SPATA6L: variants seen among roughly 807,000 people sequenced by gnomAD.
SPATA6L encodes the protein spermatogenesis associated 6 like.
SPATA6L carries 68 observed loss-of-function variants against 49.2 expected under a neutral mutation model. That is an observed-to-expected ratio of 1.38 (90% CI 1.14 to 1.69). The LOEUF (loss-of-function observed/expected upper bound fraction) is 1.69, where lower values mean the gene tolerates loss of function less well. Ranked by LOEUF, SPATA6L falls within the 40% of genes most tolerant of loss-of-function variation. The pLI, the probability that SPATA6L is intolerant of heterozygous loss-of-function variation, is 0.00. For missense variants in SPATA6L, 668 were observed against 464.3 expected (o/e 1.44, Z -4.03); for synonymous variants, 198 against 165.7 (o/e 1.19, Z -1.50).
rs58325546 is a variant in SPATA6L, at chr9:4,644,183, C to CAAAAA, written c.227-8789_227-8785dup. Among the ~76,000 whole-genome samples, 7 of 45,716 alleles carry CAAAAA rather than the reference C, an allele frequency of 1.5e-4. 1 individual carries two copies. Among genetic ancestry groups the CAAAAA allele is most frequent in the East Asian group, 1.2e-3 (1 of 802 alleles). 30.0% of individuals were successfully genotyped at this position (45,716 alleles called of 152,430 possible). A position where few individuals can be genotyped will look rare whatever the true frequency, so the allele number is the denominator to read the frequency against. ...GCAACATAGTAAGATGCCATCTCTGCAAAAAAAAAAAAAAAAAAAAAAAAA... is the reference window on the plus strand; with the variant it reads ...GCAACATAGTAAGATGCCATCTCTGCAAAAAAAAAAAAAAAAAAAAAAAAAAAAAA... On this transcript the variant is annotated intron_variant, in intron 3 of 11. Transcript: ENST00000682582.
At chr9:4,647,981 C>T (rs301475) in intron 3 of SPATA6L, among the ~76,000 whole-genome samples, 28,890 of 151,720 alleles carry the variant, frequency 0.19, 4,357 homozygotes, top group African/African-American at 0.42. Flanking sequence ...ACTACAGGCA[C>T]GTACCACAGC....
intron 3 of SPATA6L, among the ~76,000 whole-genome samples, chr9:4,644,710 C>T (rs1834951520): frequency 1.3e-5 from 2 of 150,320 alleles, no homozygotes; most frequent in Admixed American, 1.3e-4. Context: ...CACACACACA[C>T]ACACACACAC....
chr9:4,589,475 C>T lies in SPATA6L; in HGVS notation c.*255-514G>A, dbSNP rs79601082. Among the ~76,000 whole-genome samples the T allele has an allele frequency of 5.3e-4, 81 of 152,270 alleles. 1 individual carries two copies. The highest frequency in any genetic ancestry group is 3.9e-3 in the East Asian group (20 of 5,188). On this transcript the variant is annotated intron_variant and NMD_transcript_variant, in intron 13 of 13. Coordinates refer to the SPATA6L transcript ENST00000461761. ...CAGTATATCCAACCTAGTGAGACTT[C>T]GTAAACAGCCCCCATTCTATAAAGG...
chr9:4,648,557 G>A (rs984618693), intron 3 of SPATA6L, among the ~76,000 whole-genome samples: 5 of 151,592 alleles, frequency 3.3e-5, no homozygotes, highest in African/African-American at 7.3e-5. Flanking sequence ...AAAATTAGCC[G>A]GGCGTGGTGG....
At chr9:4,649,047 T>C (rs377302654) in intron 3 of SPATA6L, among the ~76,000 whole-genome samples, 8 of 125,134 alleles carry the variant, frequency 6.4e-5, no homozygotes, top group Non-Finnish European at 1.1e-4. Flanking sequence ...TCATATATAA[T>C]GGAATATAGA....
intron 3 of SPATA6L, among the ~76,000 whole-genome samples, chr9:4,640,615 G>A (rs1833822161): frequency 6.6e-6 from 1 of 152,076 alleles, no homozygotes; most frequent in Non-Finnish European, 1.5e-5. Flanking sequence ...GATCATGAGG[G>A]CTCACTGCCA....
At chr9:4,620,906 T>C (rs1829142114) in intron 7 of SPATA6L, among the ~76,000 whole-genome samples, 1 of 152,172 alleles carries the variant, frequency 6.6e-6, no homozygotes, top group Admixed American at 6.5e-5. Flanking sequence ...ACAGGTGATT[T>C]TCAACTCAAA....
At chr9:4,660,370 A>G (rs1160215611) in intron 2 of SPATA6L, among the ~76,000 whole-genome samples, 2 of 152,260 alleles carry the variant, frequency 1.3e-5, no homozygotes, top group Non-Finnish European at 2.9e-5. Flanking sequence ...AAGTGGGTGA[A>G]GGACATGAAC....
chr9:4,654,661 G>C (rs372913871), intron 3 of SPATA6L, among the ~76,000 whole-genome samples: 2 of 152,194 alleles, frequency 1.3e-5, no homozygotes, highest in African/African-American at 2.4e-5. Context: ...CCAGCAGGGA[G>C]ATGGTTTTCC....
Position 4,623,433 on chromosome 9 carries a change from C to T in SPATA6L, c.670-923G>A, listed in dbSNP as rs540572761. ...TTGAACTAGGGACTCTTCCAAATAG[C>T]TACAATATAGAGTTGCTGATTTGTT... On this transcript the variant is annotated intron_variant, in intron 6 of 11. Transcript: ENST00000682582. Among the ~76,000 whole-genome samples the T allele has an allele frequency of 5.3e-5, 8 of 151,970 alleles. No homozygotes were observed. The South Asian group carries it at 1.7e-3, about 32-fold the overall frequency.
At chr9:4,658,267 C>A (rs1238075470) in intron 2 of SPATA6L, among the ~76,000 whole-genome samples, 2 of 152,168 alleles carry the variant, frequency 1.3e-5, no homozygotes, top group African/African-American at 2.4e-5. Flanking sequence ...AAATAATCAA[C>A]ATGAACTGCT....
At chr9:4,589,710 G>A (rs1329678425) in intron 13 of SPATA6L, among the ~76,000 whole-genome samples, 1 of 152,082 alleles carries the variant, frequency 6.6e-6, no homozygotes, top group Non-Finnish European at 1.5e-5. Context: ...GAAAATGAGA[G>A]TACAGCATGA....
chr9:4,656,102 A>C lies in SPATA6L; in HGVS notation c.178-13T>G. ...CACTTTCAAATACCTGCAGAGAAAA[A>C]TGGGGAAAATAAATTTTCAAAGTTG... On this transcript the variant is annotated splice_polypyrimidine_tract_variant and intron_variant, in intron 2 of 11. Transcript: ENST00000682582. 6.2e-7 allele frequency: 1 copy of C among 1,608,942 alleles called. No individual in the cohort carries two copies. Among genetic ancestry groups the C allele is most frequent in the Non-Finnish European group, 8.5e-7 (1 of 1,176,834 alleles).
At position 4,652,593 on chromosome 9, in the gene SPATA6L, T is replaced by C. The variant is rs538024283; in HGVS notation, c.226+3448A>G. 2.0e-5 allele frequency among the ~76,000 whole-genome samples: 3 copies of C among 152,142 alleles called. No homozygotes were observed. The South Asian group carries it at 6.2e-4, about 32-fold the overall frequency. On this transcript the variant is annotated intron_variant, in intron 3 of 11. Coordinates refer to ENST00000682582, the MANE Select transcript of SPATA6L (RefSeq NM_001353486.2). ...GGCTGGGTACGGTGTCTCATACCTG[T>C]AATCCCAGCATTTTGGGAGTCCAAG...
intron 1 of SPATA6L, chr9:4,664,367 G>A (rs944134064): frequency 2.4e-5 from 4 of 166,938 alleles, no homozygotes; most frequent in South Asian, 2.1e-4. Context: ...ATGGAATTCC[G>A]TTTTCTGAGG....
rs1219248281 is a variant in SPATA6L, at chr9:4,644,683, T to TCA, written c.227-9285_227-9284insTG. ...TTCTCTCTCTCTCTCTCTCTCTCTC[T>TCA]CTCACACACACACACACACACACAC... is the stretch of plus-strand genomic sequence containing the variant. On this transcript the variant is annotated intron_variant, in intron 3 of 11. Coordinates refer to ENST00000682582, the MANE Select transcript of SPATA6L (RefSeq NM_001353486.2). 1.3e-3 allele frequency among the ~76,000 whole-genome samples: 178 copies of TCA among 136,394 alleles called. 1 individual carries two copies. Among genetic ancestry groups the TCA allele is most frequent in the East Asian group, 2.6e-3 (11 of 4,162 alleles). 89.5% of individuals were successfully genotyped at this position (136,394 alleles called of 152,430 possible). A position where few individuals can be genotyped will look rare whatever the true frequency, so the allele number is the denominator to read the frequency against.
rs1033278620 is a variant in SPATA6L at position 4,661,828 on chromosome 9, G to C, written c.177+71C>G. 6 of 1,544,650 alleles carry C rather than the reference G, an allele frequency of 3.9e-6. No homozygotes were observed. In the Admixed American group the frequency reaches 9.4e-5, roughly 24 times the overall value. ...TGAAATTTACCAAATAATGCTGTAAGAACTCTGTTCTTTATAAGAACTCTC... is the reference window on the plus strand; with the variant it reads ...TGAAATTTACCAAATAATGCTGTAACAACTCTGTTCTTTATAAGAACTCTC... On this transcript the variant is annotated intron_variant, in intron 2 of 11. Coordinates refer to ENST00000682582, the MANE Select transcript of SPATA6L (RefSeq NM_001353486.2).
At chr9:4,646,508 AT>A in intron 3 of SPATA6L, 1 of 1,514,708 alleles carries the variant, frequency 6.6e-7, no homozygotes, top group South Asian at 1.3e-5. Flanking sequence ...AGCTGTATTA[AT>A]TCAAACCTGG....
chr9:4,633,552 G>A (rs1832101078), intron 4 of SPATA6L: 1 of 191,778 alleles, frequency 5.2e-6, no homozygotes, highest in South Asian at 1.2e-4. Context: ...AAGCACCCAA[G>A]ATTCAGTGTC....
Sources: allele counts gnomAD v4.1 joint callset (sites outside exome capture counted in the v4.1 genomes callset), GRCh38; gene constraint gnomAD v4.1.1; transcripts MANE v1.5; gene names NCBI Gene and HGNC (gene_info 2026-07-23, HGNC 2026-07-21).